The following CELF2 variants were observed in gnomAD, a reference collection of about 807,000 sequenced individuals.
CELF2 encodes CUG triplet repeat RNA-binding protein 2.
A neutral mutation model predicts 62.6 loss-of-function variants in CELF2; 8 were observed. The ratio of observed to expected loss-of-function variants is 0.13; its 90% CI spans 0.07 to 0.23. The LOEUF (loss-of-function observed/expected upper bound fraction) is 0.23. Among genes scored for constraint, CELF2 ranks in the 10% least tolerant of loss-of-function variants. The pLI is 1.00. For missense variants in CELF2, 333 were observed against 671.0 expected (o/e 0.50, Z 5.56); for synonymous variants, 258 against 250.0 (o/e 1.03, Z -0.30).
chr10:10,575,835 C>CACTCTAAGTGAAATTCAACA, the CELF2 span, among the ~76,000 whole-genome samples: 2 of 152,292 alleles, frequency 1.3e-5, no homozygotes, highest in East Asian at 3.9e-4. Flanking sequence ...GAGTGTTGGA[C>CACTCTAAGTGAAATTCAACA]ACTCTAAGTG....
At chr10:10,532,781 C>T in the CELF2 span, among the ~76,000 whole-genome samples, 1 of 151,688 alleles carries the variant, frequency 6.6e-6, no homozygotes, top group African/African-American at 2.4e-5. Context: ...GACCAGGGAG[C>T]CTTCTAAGCT....
chr10:10,727,035 T>C, the CELF2 span, among the ~76,000 whole-genome samples: 8 of 152,228 alleles, frequency 5.3e-5, no homozygotes, highest in Admixed American at 4.6e-4. Flanking sequence ...CCAGATCTCG[T>C]GAGAACTCCG....
intron 1 of CELF2, among the ~76,000 whole-genome samples, chr10:10,907,959 G>T (rs1192542761): frequency 6.6e-6 from 1 of 152,168 alleles, no homozygotes. Flanking sequence ...AAAGCTCTCG[G>T]AGTAGTGTTA....
intron 2 of CELF2, among the ~76,000 whole-genome samples, chr10:10,954,533 A>C (rs1241146671): frequency 6.6e-6 from 1 of 152,208 alleles, no homozygotes; most frequent in Non-Finnish European, 1.5e-5. Flanking sequence ...GGCGTGAGCC[A>C]CCGCACCTGG....
chr10:10,516,071 G>T, the CELF2 span, among the ~76,000 whole-genome samples: 1 of 152,120 alleles, frequency 6.6e-6, no homozygotes, highest in Non-Finnish European at 1.5e-5. Context: ...TCCAAGCAAA[G>T]AAACTCATTT....
chr10:10,748,153 A>T, the CELF2 span, among the ~76,000 whole-genome samples: 3 of 152,238 alleles, frequency 2.0e-5, no homozygotes, highest in South Asian at 6.2e-4. Flanking sequence ...ATAAGTTCCA[A>T]TGTTCAATAG....
At chr10:11,035,769 G>C (rs930744074) in intron 1 of CELF2, among the ~76,000 whole-genome samples, 17 of 152,174 alleles carry the variant, frequency 1.1e-4, no homozygotes, top group Admixed American at 3.9e-4. Context: ...ATCAGCATCT[G>C]AGTCTCAATG....
chr10:10,544,154 A>C, the CELF2 span, among the ~76,000 whole-genome samples: 1 of 152,210 alleles, frequency 6.6e-6, no homozygotes, highest in African/African-American at 2.4e-5. Flanking sequence ...TTGAAATTGG[A>C]ATCTAATGTA....
At chr10:11,320,021 C>G (rs974480480) in intron 10 of CELF2, 1 of 355,850 alleles carries the variant, frequency 2.8e-6, no homozygotes, top group African/African-American at 2.1e-5. Context: ...GTTTTCATAT[C>G]TCCAATCAAT....
chr10:11,081,893 T>C (rs1452246254), intron 1 of CELF2, among the ~76,000 whole-genome samples: 5 of 152,234 alleles, frequency 3.3e-5, no homozygotes, highest in African/African-American at 1.2e-4. Flanking sequence ...ATTATATTGG[T>C]GCTGTCTTCC....
At chr10:11,235,646 T>C (rs539603679) in intron 3 of CELF2, among the ~76,000 whole-genome samples, 2 of 152,286 alleles carry the variant, frequency 1.3e-5, no homozygotes, top group South Asian at 4.1e-4. Flanking sequence ...GCAAAGTCAG[T>C]GCAACTATGG....
chr10:10,717,627 T>C, the CELF2 span, among the ~76,000 whole-genome samples: 1 of 152,214 alleles, frequency 6.6e-6, no homozygotes, highest in African/African-American at 2.4e-5. Context: ...TTAAGTCATA[T>C]GTTGGCCTAT....
intron 2 of CELF2, among the ~76,000 whole-genome samples, chr10:10,932,185 T>G (rs1285363287): frequency 6.6e-6 from 1 of 152,142 alleles, no homozygotes; most frequent in East Asian, 1.9e-4. Flanking sequence ...TCCCTGCCCT[T>G]AAGAACCAAA....
chr10:11,197,025 AAAAGAAAGAAAGAAAG>A lies in CELF2; in HGVS notation c.272-20380_272-20365del, dbSNP rs774383276. 7.7e-4 allele frequency among the ~76,000 whole-genome samples: 20 copies of A among 26,050 alleles called. 6 individuals carry two copies. The highest frequency in any genetic ancestry group is 3.4e-3 in the African/African-American group (19 of 5,572). 17.1% of individuals were successfully genotyped at this position (26,050 alleles called of 152,430 possible). A position where few individuals can be genotyped will look rare whatever the true frequency, so the allele number is the denominator to read the frequency against. Reference sequence around the variant, plus strand: ...AGGAGAAAGAAAGAAAGAAAGAAAGAAAAGAAAGAAAGAAAGAAAGAAAGAAAGAAAGAAAAGAAAG... The same window carrying A: ...AGGAGAAAGAAAGAAAGAAAGAAAGAAAAGAAAGAAAGAAAGAAAAGAAAG... On this transcript the variant is annotated intron_variant, in intron 2 of 12. Coordinates refer to ENST00000633077, the MANE Select transcript of CELF2 (RefSeq NM_001326342.2).
chr10:11,015,098 G>A (rs1246639795), upstream of CELF2, among the ~76,000 whole-genome samples: 1 of 152,138 alleles, frequency 6.6e-6, no homozygotes, highest in Non-Finnish European at 1.5e-5. The surrounding 1 kb of genome is among the most constrained non-coding windows in gnomAD (Gnocchi z 4.8). Flanking sequence ...GTTCAACAGC[G>A]GCCCCATAGA....
In CELF2 at chr10:11,306,245, A is replaced by G. The variant is rs1308014710; in HGVS notation, c.977-7894A>G. Among the ~76,000 whole-genome samples, 1 of 151,958 alleles carries G rather than the reference A, an allele frequency of 6.6e-6. No homozygotes were observed. The highest frequency in any genetic ancestry group is 2.4e-5 in the African/African-American group (1 of 41,370). On this transcript the variant is annotated intron_variant, in intron 9 of 12. Coordinates refer to ENST00000633077, the MANE Select transcript of CELF2 (RefSeq NM_001326342.2). This position sits in a 1 kb window ranked among gnomAD's most constrained non-coding sequence, Gnocchi z 4.4. ...AGGTGTTCTGGGAGATTATGAACCA[A>G]CATTTATAGACCGCACCTCTCCTGA... is the stretch of plus-strand genomic sequence containing the variant.
the CELF2 span, among the ~76,000 whole-genome samples, chr10:10,535,460 C>T: frequency 6.6e-6 from 1 of 152,144 alleles, no homozygotes; most frequent in Non-Finnish European, 1.5e-5. Flanking sequence ...TGGCTCACAC[C>T]TGTAATCCCA....
At chr10:10,630,686 T>C in the CELF2 span, among the ~76,000 whole-genome samples, 1 of 152,096 alleles carries the variant, frequency 6.6e-6, no homozygotes, top group Non-Finnish European at 1.5e-5. Context: ...ATCTTAGAGA[T>C]TGGAAGAGAA....
intron 2 of CELF2, among the ~76,000 whole-genome samples, chr10:10,921,057 C>T (rs983247738): frequency 9.9e-5 from 15 of 151,812 alleles, no homozygotes; most frequent in South Asian, 6.2e-4. Context: ...CAGGTTCAAG[C>T]GATTCTCCTG....
Sources: gnomAD v4.1 joint callset for allele counts (sites outside exome capture counted in the v4.1 genomes callset) on GRCh38, gnomAD v4.1.1 for gene constraint, Gnocchi (gnomAD v3.1) non-coding constraint, MANE v1.5 for transcripts, NCBI Gene and HGNC (gene_info 2026-07-23, HGNC 2026-07-21) for gene names.